NIPBL: variants seen among roughly 807,000 people sequenced by gnomAD.
NIPBL encodes nipped-B-like protein.
NIPBL carries 19 observed loss-of-function variants against 321.8 expected under a neutral mutation model. That is an observed-to-expected ratio of 0.06 (90% CI 0.04 to 0.09). The LOEUF (loss-of-function observed/expected upper bound fraction) is 0.09, where lower values mean the gene tolerates loss of function less well. Ranked by LOEUF, NIPBL falls within the 10% of genes least tolerant of loss-of-function variation. The pLI, the probability that NIPBL is intolerant of heterozygous loss-of-function variation, is 1.00. For synonymous variants in NIPBL, 1,106 were observed against 1,114.1 expected, an observed-to-expected ratio of 0.99 and a Z score of 0.14; for missense variants, 2,210 against 3,327.0, an observed-to-expected ratio of 0.66 and a Z score of 8.26.
chr5:36,910,726 G>A (rs1747986284), intron 1 of NIPBL, among the ~76,000 whole-genome samples: 1 of 152,136 alleles, frequency 6.6e-6, no homozygotes, highest in Non-Finnish European at 1.5e-5. Context: ...GGTAAAGGGA[G>A]ATATAGGAGC....
Position 36,984,906 on chromosome 5 carries a change from G to A in NIPBL, c.1726G>A (p.Ala576Thr). 6.2e-7 allele frequency: 1 copy of A among 1,613,812 alleles called. No individual in the cohort carries two copies. ...KPEEIKQCNDAPVSVLQEDIV... is the reference protein window; with the variant it reads ...KPEEIKQCNDTPVSVLQEDIV... ...TGAAGAAATCAAACAATGTAATGAT[G>A]CACCTGTTTCTGTTCTTCAGGAAGA... Residue 576 changes from alanine to threonine, a missense_variant, in exon 10 of 47, where the codon GCA (alanine) becomes ACA (threonine). Ala to Thr is a moderately conservative substitution (Grantham distance 58, BLOSUM62 0). Coordinates refer to ENST00000282516, the MANE Select transcript of NIPBL (RefSeq NM_133433.4).
chr5:37,046,529 A>C (rs558650111), intron 38 of NIPBL, among the ~76,000 whole-genome samples: 1 of 152,354 alleles, frequency 6.6e-6, no homozygotes, highest in African/African-American at 2.4e-5. Context: ...ATAATATAGA[A>C]GAATTCTGTG....
chr5:36,886,314 G>C, intron 1 of NIPBL: 3 of 684,244 alleles, frequency 4.4e-6, no homozygotes, highest in Non-Finnish European at 8.1e-6. Context: ...TGAACATCAA[G>C]GTCAAGCTGG....
chr5:36,967,602 A>C (rs1742349098), intron 6 of NIPBL, among the ~76,000 whole-genome samples: 1 of 152,200 alleles, frequency 6.6e-6, no homozygotes, highest in Non-Finnish European at 1.5e-5. Flanking sequence ...ATTATAAATC[A>C]GTCATCACAT....
intron 36 of NIPBL, 51 bp downstream of exon 36, chr5:37,044,780 G>T (rs1473639146): frequency 1.6e-6 from 2 of 1,287,488 alleles, no homozygotes; most frequent in East Asian, 4.7e-5. Context: ...CCTGCAGGGG[G>T]TCAGCTCATT....
chr5:37,001,063 G>A lies in NIPBL; in HGVS notation c.3649G>A (p.Asp1217Asn). ...ENILDNLEDM[D>N]FTAFGDDDEI... The stretch of plus-strand genomic sequence containing the variant: ...TATTTTGGATAATTTGGAAGATATG[G>A]ATTTTACTGCGTTTGGTAAAATCAA... The change falls in exon 14 of 47, where the codon GAT becomes AAT. Residue 1217 changes from aspartate (D) to asparagine (N), a missense_variant. Coordinates refer to ENST00000282516, the MANE Select transcript of NIPBL (RefSeq NM_133433.4). 6.2e-7 allele frequency: 1 copy of A among 1,606,010 alleles called. No individual in the cohort carries two copies. Among genetic ancestry groups the A allele is most frequent in the South Asian group, 1.1e-5 (1 of 90,872 alleles).
chr5:37,062,899 G>A (rs1754909708), intron 45 of NIPBL, among the ~76,000 whole-genome samples: 1 of 151,226 alleles, frequency 6.6e-6, no homozygotes, highest in Non-Finnish European at 1.5e-5. Context: ...CAGCCTGAGT[G>A]ACAGAGTGAG....
intron 34 of NIPBL, among the ~76,000 whole-genome samples, chr5:37,041,251 G>GTTTTT (rs1561200046): frequency 3.2e-5 from 3 of 93,690 alleles, no homozygotes; most frequent in African/African-American, 1.4e-4. Flanking sequence ...GTTATGTGGT[G>GTTTTT]GTTTTTTTTT....
At chr5:36,937,112 A>C (rs1485504938) in intron 1 of NIPBL, among the ~76,000 whole-genome samples, 3 of 152,156 alleles carry the variant, frequency 2.0e-5, no homozygotes, top group African/African-American at 7.2e-5. Context: ...AGTTAGTAGC[A>C]CTAGTTTTAA....
At chr5:37,007,575 G>T (rs1301146801) in intron 18 of NIPBL, 101 bp downstream of exon 18, 11 of 799,824 alleles carry the variant, frequency 1.4e-5, no homozygotes, top group Admixed American at 5.4e-5. Context: ...ATATTATCAA[G>T]AATTTTTCCT....
chr5:36,911,150 C>G (rs1217523217), intron 1 of NIPBL, among the ~76,000 whole-genome samples: 3 of 152,192 alleles, frequency 2.0e-5, no homozygotes, highest in Admixed American at 6.5e-5. Context: ...ATAGCAATTT[C>G]TCATATGGAG....
At chr5:37,000,935 T>C (rs1746723751) in intron 13 of NIPBL, 47 bp downstream of exon 13, 2 of 1,581,958 alleles carry the variant, frequency 1.3e-6, no homozygotes, top group Non-Finnish European at 1.7e-6. Flanking sequence ...ATTCTTCAGC[T>C]TCACATGTCT....
intron 4 of NIPBL, 44 bp from the exon 5 acceptor site, chr5:36,961,440 C>T (rs775901386): frequency 1.9e-5 from 21 of 1,103,032 alleles, no homozygotes; most frequent in Middle Eastern, 4.2e-4. Context: ...GGACACTTTA[C>T]TGTTAGAAGA....
At chr5:37,008,528 T>G (rs534920644) in intron 19 of NIPBL, 95 bp from the exon 20 acceptor site, 1 of 732,220 alleles carries the variant, frequency 1.4e-6, no homozygotes, top group South Asian at 1.6e-5. Flanking sequence ...ACATTTTCAT[T>G]CTAAATGGCA....
chr5:37,032,967 A>G (rs1486866145), intron 32 of NIPBL, among the ~76,000 whole-genome samples: 3 of 152,226 alleles, frequency 2.0e-5, no homozygotes, highest in African/African-American at 7.2e-5. Context: ...GCTAAATTAT[A>G]CTTTAAAAAA....
intron 22 of NIPBL, among the ~76,000 whole-genome samples, chr5:37,015,457 A>G (rs1748843642): frequency 6.6e-6 from 1 of 151,046 alleles, no homozygotes; most frequent in Non-Finnish European, 1.5e-5. Context: ...GACCTTGGCC[A>G]GGTGTGGTGG....
rs886565933 is a variant in NIPBL, at chr5:36,953,525, G to A, written c.-79-93G>A. The A allele has an allele frequency of 2.0e-5, 13 of 640,974 alleles. No individual in the cohort carries two copies. In the African/African-American group the frequency reaches 2.4e-4, roughly 12 times the overall value. The allele number at this position is 640,974 out of a possible 1,614,324, so 39.7% of individuals were successfully genotyped here. A position where few individuals can be genotyped will look rare whatever the true frequency, so the allele number is the denominator to read the frequency against. On this transcript the variant is annotated intron_variant, in intron 1 of 46. Coordinates refer to ENST00000282516, the MANE Select transcript of NIPBL (RefSeq NM_133433.4). ...TATTATATAGGTTGAACAAACCAAA[G>A]CAGTAACTTTTTTTTATAGTGATTA...
chr5:36,931,387 G>A (rs1054156636), intron 1 of NIPBL, among the ~76,000 whole-genome samples: 8 of 150,756 alleles, frequency 5.3e-5, no homozygotes, highest in South Asian at 2.1e-4. Flanking sequence ...GTGTGATCTC[G>A]GCTCACTGCA....
At chr5:36,881,337 A>C (rs1745487415) in intron 1 of NIPBL, among the ~76,000 whole-genome samples, 1 of 151,434 alleles carries the variant, frequency 6.6e-6, no homozygotes, top group African/African-American at 2.4e-5. Context: ...GTTTTGTTGA[A>C]TTGAGTTTTG....
Sources: gnomAD v4.1 joint callset for allele counts (sites outside exome capture counted in the v4.1 genomes callset) on GRCh38, gnomAD v4.1.1 for gene constraint, MANE v1.5 for transcripts, NCBI Gene and HGNC (gene_info 2026-07-23, HGNC 2026-07-21) for gene names.